Variants in CNTN4 observed in about 807,000 individuals in gnomAD.
CNTN4 encodes contactin-4.
CNTN4 carries 77 observed loss-of-function variants against 122.5 expected under a neutral mutation model. The ratio of observed to expected loss-of-function variants is 0.63; its 90% confidence interval spans 0.52 to 0.76. The LOEUF (loss-of-function observed/expected upper bound fraction) is 0.76. CNTN4 is among the 30% of genes least tolerant of loss of function. CNTN4 has a pLI of 0.00. For synonymous variants in CNTN4, 512 were observed against 447.0 expected (o/e 1.15, Z -1.83); for missense variants, 1,256 against 1,259.1 (o/e 1.00, Z 0.04).
intron 13 of CNTN4, among the ~76,000 whole-genome samples, chr3:2,981,750 C>A (rs77269513): frequency 0.05 from 7,671 of 152,074 alleles, 694 homozygotes; most frequent in African/African-American, 0.18. Context: ...TTATAAAAAT[C>A]CCATAAAACA....
chr3:2,164,577 A>C lies in CNTN4; in HGVS notation c.-145+63938A>C, dbSNP rs75758247. On this transcript the variant is annotated intron_variant, in intron 2 of 24. Coordinates refer to ENST00000418658, the MANE Select transcript of CNTN4 (RefSeq NM_175607.3). ...AATAAAAACTTTTAGACATACCATGATGGAATTTTGAATTCCAAGGTAAAG... is the reference window on the plus strand; with the variant it reads ...AATAAAAACTTTTAGACATACCATGCTGGAATTTTGAATTCCAAGGTAAAG... Among the ~76,000 whole-genome samples, 209 of 152,338 alleles carry C rather than the reference A, an allele frequency of 1.4e-3. 3 individuals are homozygous for C. In the East Asian group the frequency reaches 0.03, roughly 22 times the overall value.
At chr3:2,746,977 T>A (rs554772767) in intron 6 of CNTN4, among the ~76,000 whole-genome samples, 5 of 151,940 alleles carry the variant, frequency 3.3e-5, no homozygotes, top group African/African-American at 1.2e-4. Flanking sequence ...TTTTTGGAAA[T>A]AACCATAGGA....
In CNTN4 at chr3:2,887,246, A is replaced by G. The variant is rs759973872; in HGVS notation, c.940+22A>G. Reference sequence around the variant, plus strand: ...TATGGTAAGTGTATGATTTCAGTTTATCATTTATAGTGCTACAGAACTTCC... The same window carrying G: ...TATGGTAAGTGTATGATTTCAGTTTGTCATTTATAGTGCTACAGAACTTCC... On this transcript the variant is annotated intron_variant, in intron 10 of 24. Coordinates refer to ENST00000418658, the MANE Select transcript of CNTN4 (RefSeq NM_175607.3). 4.4e-6 allele frequency: 7 copies of G among 1,604,508 alleles called. No homozygotes were observed. The South Asian group carries it at 5.5e-5, about 13-fold the overall frequency.
rs144943607 is a variant in CNTN4, at chr3:2,231,225, T to C, written c.-144-107953T>C. On this transcript the variant is annotated intron_variant, in intron 2 of 24. Transcript: ENST00000418658. ...AAATCTTCAATTCATACTAGCCACA[T>C]TGCAAATACTCAATAGTCACATCTG... 2.0e-3 allele frequency among the ~76,000 whole-genome samples: 300 copies of C among 152,282 alleles called. 2 individuals are homozygous for C. The highest frequency in any genetic ancestry group is 6.9e-3 in the African/African-American group (288 of 41,562).
At chr3:2,740,080 G>A (rs2089374657) in intron 5 of CNTN4, among the ~76,000 whole-genome samples, 1 of 152,128 alleles carries the variant, frequency 6.6e-6, no homozygotes, top group Non-Finnish European at 1.5e-5. Context: ...ATATAGGCAG[G>A]GCACAGTGGC....
At chr3:2,162,425 G>C (rs1240559060) in intron 2 of CNTN4, among the ~76,000 whole-genome samples, 1 of 152,178 alleles carries the variant, frequency 6.6e-6, no homozygotes, top group African/African-American at 2.4e-5. Flanking sequence ...TTTTGTTTTA[G>C]TTTTGTTTTT....
chr3:2,455,083 A>T (rs1213416062), intron 3 of CNTN4, among the ~76,000 whole-genome samples: 1 of 152,142 alleles, frequency 6.6e-6, no homozygotes, highest in Non-Finnish European at 1.5e-5. Context: ...GAAGCAACTA[A>T]TCATCGCTGG....
intron 2 of CNTN4, among the ~76,000 whole-genome samples, chr3:2,127,733 T>C (rs745550331): frequency 6.6e-6 from 1 of 152,150 alleles, no homozygotes; most frequent in Non-Finnish European, 1.5e-5. Context: ...ACCTATGAGA[T>C]GCTAAAGGTT....
intron 7 of CNTN4, among the ~76,000 whole-genome samples, chr3:2,829,525 C>G (rs542517414): frequency 1.3e-5 from 2 of 152,332 alleles, no homozygotes; most frequent in South Asian, 4.1e-4. Context: ...TGACTTGCTT[C>G]TCCTCTACCA....
chr3:2,808,341 A>G (rs1306059670), intron 6 of CNTN4, among the ~76,000 whole-genome samples: 2 of 152,160 alleles, frequency 1.3e-5, no homozygotes, highest in Admixed American at 1.3e-4. Flanking sequence ...TGTTACTTGA[A>G]TGTATCTGAT....
Position 2,409,341 on chromosome 3 carries a change from G to A in CNTN4, c.-89+70108G>A, listed in dbSNP as rs868490435. ...TGACTCACTGCAAGCTCCGCCTCCCGGGTTCAGGCCATTCTCCTGCCTCAG... is the reference window on the plus strand; with the variant it reads ...TGACTCACTGCAAGCTCCGCCTCCCAGGTTCAGGCCATTCTCCTGCCTCAG... On this transcript the variant is annotated intron_variant, in intron 3 of 24. Transcript: ENST00000418658. Among the ~76,000 whole-genome samples, 5 of 149,842 alleles carry A rather than the reference G, an allele frequency of 3.3e-5. No homozygotes were observed. In the South Asian group the frequency reaches 1.1e-3, roughly 32 times the overall value.
chr3:2,744,201 G>T (rs539562649), intron 5 of CNTN4, among the ~76,000 whole-genome samples: 54 of 152,158 alleles, frequency 3.5e-4, no homozygotes, highest in Non-Finnish European at 6.5e-4. Context: ...TGGGACAGAG[G>T]TCTTGACAAA....
intron 3 of CNTN4, among the ~76,000 whole-genome samples, chr3:2,356,679 G>A (rs781541161): frequency 2.0e-5 from 3 of 152,114 alleles, no homozygotes; most frequent in Non-Finnish European, 4.4e-5. Flanking sequence ...TCCTGGGAAT[G>A]CAGCCCAGTA....
intron 4 of CNTN4, among the ~76,000 whole-genome samples, chr3:2,707,988 A>G (rs1056692653): frequency 6.6e-6 from 1 of 152,192 alleles, no homozygotes; most frequent in Non-Finnish European, 1.5e-5. Context: ...ATTTTGATAT[A>G]TGGTAGAATT....
chr3:3,040,291 G>A lies in CNTN4; in HGVS notation c.2398+20G>A. On this transcript the variant is annotated intron_variant, in intron 20 of 24. Coordinates refer to ENST00000418658, the MANE Select transcript of CNTN4 (RefSeq NM_175607.3). The stretch of plus-strand genomic sequence containing the variant: ...AAGAAGGTATCGTTTATGCTGCCTA[G>A]ATCATTGACTGTTAATATTTCTTCA... 6.6e-7 allele frequency: 1 copy of A among 1,513,252 alleles called. No individual in the cohort carries two copies. Among genetic ancestry groups the A allele is most frequent in the South Asian group, 1.1e-5 (1 of 89,060 alleles). 93.7% of individuals were successfully genotyped at this position (1,513,252 alleles called of 1,614,324 possible). A position where few individuals can be genotyped will look rare whatever the true frequency, so the allele number is the denominator to read the frequency against.
intron 7 of CNTN4, among the ~76,000 whole-genome samples, chr3:2,863,444 C>CTTTTTTTTT (rs5846228): frequency 1.1e-5 from 1 of 92,368 alleles, no homozygotes; most frequent in African/African-American, 4.3e-5. Context: ...ATGGTTTCTT[C>CTTTTTTTTT]TTTTTTTTTT....
At chr3:2,774,637 A>T (rs941884207) in intron 6 of CNTN4, among the ~76,000 whole-genome samples, 31 of 152,110 alleles carry the variant, frequency 2.0e-4, no homozygotes, top group African/African-American at 6.3e-4. Flanking sequence ...GGAACTGCAT[A>T]CTAGACCTAG....
chr3:2,406,218 C>A (rs2047031502), intron 3 of CNTN4, among the ~76,000 whole-genome samples: 1 of 152,136 alleles, frequency 6.6e-6, no homozygotes, highest in Non-Finnish European at 1.5e-5. Flanking sequence ...AAAAACCCAG[C>A]AGATACCACC....
At chr3:2,806,772 T>A (rs2150107448) in intron 6 of CNTN4, among the ~76,000 whole-genome samples, 1 of 152,274 alleles carries the variant, frequency 6.6e-6, no homozygotes, top group East Asian at 1.9e-4. Flanking sequence ...GCTGTGTCAC[T>A]TGGCACTACT....
Sources: allele counts gnomAD v4.1 joint callset (sites outside exome capture counted in the v4.1 genomes callset), GRCh38; gene constraint gnomAD v4.1.1; transcripts MANE v1.5; gene names NCBI Gene and HGNC (gene_info 2026-07-23, HGNC 2026-07-21).